Variants in SELP observed in about 807,000 individuals in gnomAD.
SELP encodes the protein P-selectin.
A neutral mutation model predicts 104.1 loss-of-function variants in SELP; 92 were observed. That is an observed-to-expected ratio of 0.88 (90% CI 0.75 to 1.05). The LOEUF (loss-of-function observed/expected upper bound fraction) is 1.05, where lower values mean the gene tolerates loss of function less well. Among genes scored for constraint, SELP ranks in the 50% least tolerant of loss-of-function variants. The pLI, the probability that SELP is intolerant of heterozygous loss-of-function variation, is 0.00. For synonymous variants in SELP, 397 were observed against 364.5 expected, an observed-to-expected ratio of 1.09 and a Z score of -1.01; for missense variants, 1,022 against 1,017.3, an observed-to-expected ratio of 1.00 and a Z score of -0.06.
chr1:169,609,475 A>T (rs756538181), intron 8 of SELP, 29 bp downstream of exon 8: 3 of 1,592,098 alleles, frequency 1.9e-6, no homozygotes, highest in African/African-American at 1.3e-5. Context: ...GCTGAGACAC[A>T]CAGAAAAACA....
chr1:169,619,627 C>T (rs1481543282), intron 1 of SELP, among the ~76,000 whole-genome samples: 1 of 152,106 alleles, frequency 6.6e-6, no homozygotes, highest in African/African-American at 2.4e-5. Flanking sequence ...AACTTCCTGA[C>T]CCACACAAAT....
chr1:169,602,879 G>C (rs768381533), intron 10 of SELP, 147 bp downstream of exon 10: 2 of 537,238 alleles, frequency 3.7e-6, no homozygotes, highest in South Asian at 7.9e-5. Context: ...TATTTAAAGA[G>C]AGGGAGAACT....
chr1:169,609,391 T>C, intron 8 of SELP, 113 bp downstream of exon 8: 1 of 1,043,850 alleles, frequency 9.6e-7, no homozygotes, highest in Non-Finnish European at 1.4e-6. Context: ...ACATGGCCCA[T>C]AGTAGGTTCT....
intron 14 of SELP, among the ~76,000 whole-genome samples, chr1:169,591,726 A>C (rs946371364): frequency 9.2e-5 from 14 of 152,196 alleles, no homozygotes; most frequent in Non-Finnish European, 2.1e-4. Context: ...TTTTGAGGGC[A>C]TCTTGTGTCA....
At chr1:169,590,417 G>A (rs1661298891) in intron 15 of SELP, among the ~76,000 whole-genome samples, 1 of 152,168 alleles carries the variant, frequency 6.6e-6, no homozygotes, top group Non-Finnish European at 1.5e-5. Context: ...CTAAGTTATT[G>A]TTCATGCTTT....
At chr1:169,629,711 A>G (rs1663542200) in intron 1 of SELP, among the ~76,000 whole-genome samples, 1 of 152,186 alleles carries the variant, frequency 6.6e-6, no homozygotes, top group Non-Finnish European at 1.5e-5. Flanking sequence ...GTTTACCATG[A>G]TCTATTCTCA....
chr1:169,624,938 C>T (rs1571683817), intron 1 of SELP, among the ~76,000 whole-genome samples: 1 of 152,286 alleles, frequency 6.6e-6, no homozygotes, highest in Admixed American at 6.5e-5. Flanking sequence ...GAAAGGAGAT[C>T]TTGTTCTTTT....
rs1299796946 is a variant in SELP at position 169,613,027 on chromosome 1, C to T, written c.677G>A (p.Cys226Tyr). The T allele has an allele frequency of 6.2e-7, 1 of 1,613,920 alleles. No individual in the cohort carries two copies. The highest frequency in any genetic ancestry group is 8.5e-7 in the Non-Finnish European group (1 of 1,179,846). The change falls in exon 5 of 17, where the codon TGC becomes TAC. Residue 226 changes from cysteine (C) to tyrosine (Y), a missense_variant. Cys to Tyr is a radical substitution (Grantham distance 194). Coordinates refer to ENST00000263686, the MANE Select transcript of SELP (RefSeq NM_003005.4). ...GTACCCGTCAGTGCAGTGGAAGCTG[C>T]ACTGCGAGTTAAAAGAGAAGTTTCC... ...PLGNFSFNSQ[C>Y]SFHCTDGYQV... is the part of the protein sequence containing the mutation.
In SELP at chr1:169,613,617, G is replaced by A. The variant is rs1427271930; in HGVS notation, c.558C>T (p.Tyr186=). The change falls in exon 4 of 17, where the codon TAC becomes TAT. Residue 186 remains tyrosine (Y), a synonymous_variant. Transcript: ENST00000263686. ...ETIGNYTCSC[Y]PGFYGPECEY... ...CACATTCTGGCCCATAGAATCCAGG[G>A]TAACAGGAGCAGGTGTAGTTCCCGA... 1 of 1,613,932 alleles carries A rather than the reference G, an allele frequency of 6.2e-7. No homozygotes were observed. Among genetic ancestry groups the A allele is most frequent in the Admixed American group, 1.7e-5 (1 of 60,012 alleles).
rs766221218 is a variant in SELP, at chr1:169,606,940, C to T, written c.1519+9G>A. ...TATTTCCATGATGTTAGAAAGAATA[C>T]ACTCTTACCTTGGCATTCTGGAGGA... On this transcript the variant is annotated intron_variant, in intron 9 of 16. Transcript: ENST00000263686. The T allele has an allele frequency of 1.2e-6, 2 of 1,610,042 alleles. No individual in the cohort carries two copies. The highest frequency in any genetic ancestry group is 2.7e-5 in the African/African-American group (2 of 74,668).
Position 169,590,216 on chromosome 1 carries a change from A to G in SELP, c.2439-14T>C, listed in dbSNP as rs573295073. 2 of 1,607,716 alleles carry G rather than the reference A, an allele frequency of 1.2e-6. No homozygotes were observed. Among genetic ancestry groups the G allele is most frequent in the Admixed American group, 1.7e-5 (1 of 60,004 alleles). On this transcript the variant is annotated splice_polypyrimidine_tract_variant and intron_variant, in intron 15 of 16. Coordinates refer to ENST00000263686, the MANE Select transcript of SELP (RefSeq NM_003005.4). The stretch of plus-strand genomic sequence containing the variant: ...GTTCCTAGGTGGCTAAAGAACAGAA[A>G]CACAAGGATGGCAACAATATACTGC...
intron 3 of SELP, among the ~76,000 whole-genome samples, chr1:169,616,560 C>A (rs1662821689): frequency 6.6e-6 from 1 of 152,124 alleles, no homozygotes; most frequent in Non-Finnish European, 1.5e-5. Context: ...TAACACAATG[C>A]CTAGAGCATA....
chr1:169,612,857 G>A, intron 5 of SELP, 72 bp downstream of exon 5: 1 of 1,292,332 alleles, frequency 7.7e-7, no homozygotes, highest in African/African-American at 1.5e-5. Flanking sequence ...TTTTAATGGA[G>A]AAAGCTCATT....
At position 169,617,076 on chromosome 1, in the gene SELP, A is replaced by T. The variant is rs1389984536; in HGVS notation, c.433T>A (p.Trp145Arg). Residue 145 changes from tryptophan (W) to arginine (R), a missense_variant, in exon 3 of 17, where the codon TGG (tryptophan) becomes AGG (arginine). Trp to Arg is a moderately radical substitution (Grantham distance 101). Coordinates refer to ENST00000263686, the MANE Select transcript of SELP (RefSeq NM_003005.4). ...TTCTTCAAGCAGTGCTCATCATTCC[A>T]CTTGCCAGGGGCTGACGGACTCTTG... ...YIKSPSAPGK[W>R]NDEHCLKKKH... 6.2e-7 allele frequency: 1 copy of T among 1,613,278 alleles called. No individual in the cohort carries two copies. Among genetic ancestry groups the T allele is most frequent in the Admixed American group, 1.7e-5 (1 of 59,926 alleles).
intron 15 of SELP, among the ~76,000 whole-genome samples, chr1:169,590,441 C>A (rs560687838): frequency 6.6e-6 from 1 of 152,356 alleles, no homozygotes; most frequent in East Asian, 1.9e-4. Context: ...TACTGAATAC[C>A]TGTTATACCC....
At chr1:169,619,450 C>T (rs1167231222) in intron 1 of SELP, among the ~76,000 whole-genome samples, 4 of 152,210 alleles carry the variant, frequency 2.6e-5, no homozygotes, top group Non-Finnish European at 4.4e-5. Flanking sequence ...ATTCATTCAA[C>T]AAATGTTTAT....
chr1:169,589,723 C>T (rs749158246), intron 16 of SELP: 1 of 155,640 alleles, frequency 6.4e-6, no homozygotes, highest in Non-Finnish European at 1.4e-5. Flanking sequence ...GTAGGACACT[C>T]AACTACCCAC....
chr1:169,593,827 C>A, intron 13 of SELP, 103 bp from the exon 14 acceptor site: 3 of 1,167,998 alleles, frequency 2.6e-6, no homozygotes, highest in South Asian at 1.6e-5. Context: ...GATGTGCGAT[C>A]AAGTAGGATC....
chr1:169,605,619 G>A (rs1190074593), intron 9 of SELP, among the ~76,000 whole-genome samples: 1 of 152,050 alleles, frequency 6.6e-6, no homozygotes, highest in Non-Finnish European at 1.5e-5. Context: ...GAAAGGTATG[G>A]CAAATAATGT....
Sources: allele counts gnomAD v4.1 joint callset (sites outside exome capture counted in the v4.1 genomes callset), GRCh38; gene constraint gnomAD v4.1.1; transcripts MANE v1.5; gene names NCBI Gene and HGNC (gene_info 2026-07-23, HGNC 2026-07-21).